KDM7A: variants seen among roughly 807,000 people sequenced by gnomAD.
The protein encoded by KDM7A is lysine-specific demethylase 7A.
Under a neutral mutation model 114.8 loss-of-function variants are expected in KDM7A, and 28 were observed. The ratio of observed to expected loss-of-function variants is 0.24; its 90% CI spans 0.18 to 0.33. The LOEUF (loss-of-function observed/expected upper bound fraction) is 0.33, where lower values mean the gene tolerates loss of function less well. KDM7A is among the 10% of genes least tolerant of loss of function. The pLI, the probability that KDM7A is intolerant of heterozygous loss-of-function variation, is 1.00. For missense variants in KDM7A, 942 were observed against 1,142.5 expected (o/e 0.82, Z 2.53); for synonymous variants, 423 against 397.8 (o/e 1.06, Z -0.75).
chr7:140,122,086 C>T (rs910679420), intron 7 of KDM7A, among the ~76,000 whole-genome samples: 1 of 152,176 alleles, frequency 6.6e-6, no homozygotes, highest in African/African-American at 2.4e-5. Context: ...TGTGTTGTAA[C>T]CAGCCCTCCA....
At chr7:140,175,900 G>A (rs1300041815) in intron 1 of KDM7A, among the ~76,000 whole-genome samples, 1 of 152,100 alleles carries the variant, frequency 6.6e-6, no homozygotes, top group African/African-American at 2.4e-5. Flanking sequence ...TAAAGTTTAA[G>A]CCGCGGCGCG....
rs373129153 is a variant in KDM7A, at chr7:140,097,657, A to C, written c.1919-15T>G. 5 of 1,409,292 alleles carry C rather than the reference A, an allele frequency of 3.5e-6. No individual in the cohort carries two copies. In the African/African-American group the frequency reaches 4.3e-5, roughly 12 times the overall value. The allele number at this position is 1,409,292 out of a possible 1,614,324, so 87.3% of individuals were successfully genotyped here. A position where few individuals can be genotyped will look rare whatever the true frequency, so the allele number is the denominator to read the frequency against. On this transcript the variant is annotated splice_polypyrimidine_tract_variant and intron_variant, in intron 14 of 19. Transcript: ENST00000397560. ...TGTAAAAAACCCTGAAAAAGAATGA[A>C]AGGATGAGAAAAAGAGAAAGTCATT... is the stretch of plus-strand genomic sequence containing the variant.
At chr7:140,091,263 G>A (rs1818014392) in intron 19 of KDM7A, 75 bp from the exon 20 acceptor site, 1 of 1,004,782 alleles carries the variant, frequency 1.0e-6, no homozygotes, top group African/African-American at 1.6e-5. Flanking sequence ...ACTACGGGGA[G>A]AGCTTTCTTT....
intron 1 of KDM7A, among the ~76,000 whole-genome samples, chr7:140,155,837 G>A (rs554182413): frequency 6.6e-6 from 1 of 152,298 alleles, no homozygotes; most frequent in African/African-American, 2.4e-5. Flanking sequence ...TGACAGACAT[G>A]CTCTTCTTGA....
chr7:140,154,812 A>G (rs1469677022), intron 1 of KDM7A, among the ~76,000 whole-genome samples: 1 of 152,090 alleles, frequency 6.6e-6, no homozygotes, highest in African/African-American at 2.4e-5. Context: ...TTGCCTTAGA[A>G]GCTAATTTTC....
intron 12 of KDM7A, among the ~76,000 whole-genome samples, chr7:140,101,706 G>T (rs1368170247): frequency 6.6e-6 from 1 of 152,092 alleles, no homozygotes; most frequent in Non-Finnish European, 1.5e-5. Context: ...AAGAGGAAAT[G>T]GTACTTGCTA....
chr7:140,110,573 A>C (rs1309348514), intron 11 of KDM7A, among the ~76,000 whole-genome samples: 3 of 152,134 alleles, frequency 2.0e-5, no homozygotes, highest in African/African-American at 7.2e-5. Flanking sequence ...AATTACTTTA[A>C]AACACCCTTT....
intron 8 of KDM7A, 64 bp downstream of exon 8, chr7:140,120,378 T>TAA: frequency 6.0e-6 from 5 of 833,562 alleles, no homozygotes; most frequent in South Asian, 3.3e-5. Flanking sequence ...TTTTTTAAGT[T>TAA]AAAAAAAAAA....
chr7:140,126,726 G>C lies in KDM7A; in HGVS notation c.799C>G (p.Gln267Glu). ...TGAACTCCCATTAAGCAATATTTCT[G>C]AACAAATGGCTTGGGAAAGACTGAA... ...DDSVFPKPFV[Q>E]KYCLMGVQDS... Residue 267 changes from glutamine (Q) to glutamate (E), a missense_variant, in exon 6 of 20, where the codon CAG (glutamine) becomes GAG (glutamate). Around this residue, in one of 4 missense-constraint regions of KDM7A, gnomAD observed 318 missense variants for 453.1 expected, o/e 0.70. Transcript: ENST00000397560. The C allele has an allele frequency of 6.2e-7, 1 of 1,613,800 alleles. No homozygotes were observed. The highest frequency in any genetic ancestry group is 8.5e-7 in the Non-Finnish European group (1 of 1,179,782).
intron 1 of KDM7A, among the ~76,000 whole-genome samples, chr7:140,169,139 C>A (rs1324457277): frequency 2.0e-5 from 3 of 151,964 alleles, no homozygotes; most frequent in Non-Finnish European, 2.9e-5. Flanking sequence ...CATATAGACA[C>A]GAAAATCATA....
rs566245703 is a variant in KDM7A at position 140,135,497 on chromosome 7, A to G, written c.281-1841T>C. Among the ~76,000 whole-genome samples the G allele has an allele frequency of 3.3e-4, 50 of 152,282 alleles. No homozygotes were observed. The South Asian group carries it at 5.0e-3, about 15-fold the overall frequency. On this transcript the variant is annotated intron_variant, in intron 2 of 19. Transcript: ENST00000397560. The stretch of plus-strand genomic sequence containing the variant: ...ATTACACGTGTGAGCCACTGCGCCC[A>G]GCCCATAACTCCATTTTATCTTCAA...
At chr7:140,145,679 C>T (rs908645283) in intron 1 of KDM7A, among the ~76,000 whole-genome samples, 6 of 152,168 alleles carry the variant, frequency 3.9e-5, no homozygotes, top group African/African-American at 1.4e-4. Flanking sequence ...AAAACAGAAA[C>T]TCAATGTTAA....
intron 2 of KDM7A, among the ~76,000 whole-genome samples, chr7:140,134,703 T>C (rs1818840194): frequency 6.6e-6 from 1 of 152,154 alleles, no homozygotes; most frequent in African/African-American, 2.4e-5. Flanking sequence ...GATAGATATG[T>C]GTTAGAGCAT....
chr7:140,129,713 A>C (rs1007734502), intron 3 of KDM7A, 60 bp from the exon 4 acceptor site: 126 of 1,081,838 alleles, frequency 1.2e-4, no homozygotes, highest in Non-Finnish European at 1.7e-4. Context: ...TTTAAAAAAA[A>C]TACGGTAGTG....
intron 8 of KDM7A, 92 bp downstream of exon 8, chr7:140,120,350 T>C: frequency 1.4e-6 from 1 of 704,348 alleles, no homozygotes; most frequent in South Asian, 1.8e-5. Flanking sequence ...GAATCTCAAA[T>C]AAAATAAGCT....
intron 9 of KDM7A, among the ~76,000 whole-genome samples, chr7:140,116,008 A>G (rs1818523851): frequency 6.6e-6 from 1 of 152,142 alleles, no homozygotes; most frequent in Non-Finnish European, 1.5e-5. Flanking sequence ...GATTTGCAAA[A>G]ATTATAACCT....
intron 11 of KDM7A, 105 bp downstream of exon 11, chr7:140,110,990 C>G: frequency 1.6e-6 from 1 of 606,986 alleles, no homozygotes; most frequent in African/African-American, 1.9e-5. Context: ...TATATTTCTT[C>G]TAAGTGTGTA....
intron 3 of KDM7A, among the ~76,000 whole-genome samples, chr7:140,131,143 A>G (rs1818779527): frequency 6.6e-6 from 1 of 152,128 alleles, no homozygotes; most frequent in South Asian, 2.1e-4. Flanking sequence ...CTGGGATTAC[A>G]GGCGTGAGCC....
Position 140,102,080 on chromosome 7 carries a change from G to C in KDM7A, c.1509C>G (p.Ser503=). 1.9e-6 allele frequency: 3 copies of C among 1,613,814 alleles called. No individual in the cohort carries two copies. The highest frequency in any genetic ancestry group is 2.5e-6 in the Non-Finnish European group (3 of 1,179,774). The change falls in exon 12 of 20, where the codon TCC becomes TCG. Residue 503 remains serine, a synonymous_variant. Coordinates refer to ENST00000397560, the MANE Select transcript of KDM7A (RefSeq NM_030647.2). The part of the protein sequence containing the change: ...PVSRSSNEAT[S]PYHSRRKMRK... ...TCATCTTTCTTCGGGAATGGTATGGGGAAGTTGCTTCATTTGAGGATCGTG... is the reference window on the plus strand; with the variant it reads ...TCATCTTTCTTCGGGAATGGTATGGCGAAGTTGCTTCATTTGAGGATCGTG...
Sources: allele counts gnomAD v4.1 joint callset (sites outside exome capture counted in the v4.1 genomes callset), GRCh38; gene constraint gnomAD v4.1.1; regional missense constraint gnomAD v4.1.1; transcripts MANE v1.5; gene names NCBI Gene and HGNC (gene_info 2026-07-23, HGNC 2026-07-21).